The following PRKN variants were observed in gnomAD, a reference collection of about 807,000 sequenced individuals.
PRKN encodes parkin RBR E3 ubiquitin protein ligase.
Under a neutral mutation model 59.5 loss-of-function variants are expected in PRKN, and 56 were observed. That is an observed-to-expected ratio of 0.94 (90% CI 0.76 to 1.18). PRKN has a LOEUF of 1.18. Among genes scored for constraint, PRKN ranks in the 50% most tolerant of loss-of-function variants. The pLI, the probability that PRKN is intolerant of heterozygous loss-of-function variation, is 0.00. For synonymous variants in PRKN, 250 were observed against 222.1 expected, an observed-to-expected ratio of 1.13 and a Z score of -1.12; for missense variants, 657 against 596.4, an observed-to-expected ratio of 1.10 and a Z score of -1.06.
chr6:162,672,457 A>G (rs2128230538), intron 1 of PRKN, among the ~76,000 whole-genome samples: 1 of 152,318 alleles, frequency 6.6e-6, no homozygotes, highest in Non-Finnish European at 1.5e-5. Context: ...TTGAAAAATC[A>G]TGTTTAACTT....
rs535860466 is a variant in PRKN at position 162,206,214 on chromosome 6, C to T, written c.413-4962G>A. Among the ~76,000 whole-genome samples, 31 of 152,270 alleles carry T rather than the reference C, an allele frequency of 2.0e-4. No homozygotes were observed. The South Asian group carries it at 6.2e-3, about 31-fold the overall frequency. ...GGCTCCATCTCCATTTCCATCACCA[C>T]CTTTGAAATCTGACCCATATGCTCA... is the stretch of plus-strand genomic sequence containing the variant. On this transcript the variant is annotated intron_variant, in intron 3 of 11. Coordinates refer to ENST00000366898, the MANE Select transcript of PRKN (RefSeq NM_004562.3).
intron 2 of PRKN, among the ~76,000 whole-genome samples, chr6:162,308,955 T>G (rs189159848): frequency 6.6e-6 from 1 of 152,068 alleles, no homozygotes. Context: ...TTTCAATTTA[T>G]TGAAATCAAG....
intron 1 of PRKN, among the ~76,000 whole-genome samples, chr6:162,603,483 A>C (rs1781788490): frequency 6.6e-6 from 1 of 152,166 alleles, no homozygotes; most frequent in Admixed American, 6.5e-5. Context: ...CTGCCTTTGC[A>C]TGAGAGCATC....
At chr6:162,051,783 A>C (rs1444759813) in intron 5 of PRKN, among the ~76,000 whole-genome samples, 1 of 152,076 alleles carries the variant, frequency 6.6e-6, no homozygotes, top group African/African-American at 2.4e-5. Flanking sequence ...AGTGTCACCC[A>C]CACTACCCTG....
chr6:162,146,541 G>T (rs1782037051), intron 4 of PRKN, among the ~76,000 whole-genome samples: 1 of 150,924 alleles, frequency 6.6e-6, no homozygotes, highest in African/African-American at 2.4e-5. Flanking sequence ...GTCTTGCTCA[G>T]TCACGCAAGC....
At chr6:161,727,543 G>C (rs1281113041) in intron 7 of PRKN, among the ~76,000 whole-genome samples, 1 of 152,204 alleles carries the variant, frequency 6.6e-6, no homozygotes, top group Admixed American at 6.5e-5. Flanking sequence ...ATTGATTGTA[G>C]AGAAAGTCTG....
intron 4 of PRKN, among the ~76,000 whole-genome samples, chr6:162,166,179 C>T (rs999613821): frequency 2.6e-5 from 4 of 152,076 alleles, no homozygotes; most frequent in Admixed American, 1.3e-4. Context: ...CCAGGTGTCC[C>T]TCTACAGTAG....
chr6:162,427,023 G>T (rs1351364607), intron 2 of PRKN, among the ~76,000 whole-genome samples: 1 of 152,098 alleles, frequency 6.6e-6, no homozygotes, highest in Non-Finnish European at 1.5e-5. Context: ...ACCATCACAG[G>T]CCCATGAGAA....
intron 7 of PRKN, among the ~76,000 whole-genome samples, chr6:161,686,498 C>T (rs1335669927): frequency 6.6e-6 from 1 of 152,134 alleles, no homozygotes; most frequent in Non-Finnish European, 1.5e-5. Context: ...TATTAAAAAC[C>T]ATAAATCACA....
intron 1 of PRKN, among the ~76,000 whole-genome samples, chr6:162,457,520 T>C (rs1259670460): frequency 1.3e-5 from 2 of 152,076 alleles, no homozygotes; most frequent in Non-Finnish European, 2.9e-5. Flanking sequence ...TCAAGGTGTT[T>C]TATAATACAT....
intron 8 of PRKN, among the ~76,000 whole-genome samples, chr6:161,558,052 G>C (rs1449131102): frequency 6.6e-6 from 1 of 152,154 alleles, no homozygotes; most frequent in Non-Finnish European, 1.5e-5. Context: ...CTACTGCAGT[G>C]AACCAAACCA....
intron 7 of PRKN, among the ~76,000 whole-genome samples, chr6:161,618,672 T>C (rs976035302): frequency 6.6e-6 from 1 of 152,166 alleles, no homozygotes; most frequent in African/African-American, 2.4e-5. Context: ...CCCAGTTCCA[T>C]AAGAGCTGCC....
At chr6:161,927,514 T>C (rs1779012445) in intron 6 of PRKN, among the ~76,000 whole-genome samples, 1 of 152,208 alleles carries the variant, frequency 6.6e-6, no homozygotes, top group South Asian at 2.1e-4. Flanking sequence ...ACTTTAATTA[T>C]ATTTGAATTA....
intron 1 of PRKN, among the ~76,000 whole-genome samples, chr6:162,541,124 C>G (rs534889288): frequency 6.6e-6 from 1 of 152,286 alleles, no homozygotes; most frequent in African/African-American, 2.4e-5. Context: ...CGGAGTCCCT[C>G]CTAGGTGCCA....
intron 2 of PRKN, among the ~76,000 whole-genome samples, chr6:162,330,046 T>A (rs1225706113): frequency 6.6e-6 from 1 of 152,160 alleles, no homozygotes; most frequent in Non-Finnish European, 1.5e-5. Flanking sequence ...TAGCTCTACG[T>A]CTTAGAAAGT....
intron 1 of PRKN, among the ~76,000 whole-genome samples, chr6:162,587,432 A>T (rs917294465): frequency 2.0e-5 from 3 of 152,172 alleles, no homozygotes; most frequent in African/African-American, 4.8e-5. Context: ...CACCACGCCC[A>T]GCCCACAGTA....
At chr6:161,959,343 C>G (rs1255269111) in intron 6 of PRKN, among the ~76,000 whole-genome samples, 2 of 152,080 alleles carry the variant, frequency 1.3e-5, no homozygotes, top group South Asian at 2.1e-4. Context: ...CTTTGCAGGC[C>G]TCGGTTCCGA....
chr6:162,221,376 G>A (rs886651613), intron 3 of PRKN, among the ~76,000 whole-genome samples: 1 of 152,280 alleles, frequency 6.6e-6, no homozygotes, highest in South Asian at 2.1e-4. Context: ...CCTGGCTGAT[G>A]AATGAAATTT....
At chr6:162,213,952 G>A (rs1777524814) in intron 3 of PRKN, among the ~76,000 whole-genome samples, 1 of 151,658 alleles carries the variant, frequency 6.6e-6, no homozygotes, top group Admixed American at 6.6e-5. Flanking sequence ...ATGATCCTGT[G>A]TTCTATCCAG....
Sources: allele counts gnomAD v4.1 joint callset (sites outside exome capture counted in the v4.1 genomes callset), GRCh38; gene constraint gnomAD v4.1.1; transcripts MANE v1.5; gene names NCBI Gene and HGNC (gene_info 2026-07-23, HGNC 2026-07-21).